Variants in EXOC6B observed in about 807,000 individuals in gnomAD.
EXOC6B encodes SEC15 homolog B.
In EXOC6B, 54 loss-of-function variants were observed where a neutral mutation model predicts 113.5. The ratio of observed to expected loss-of-function variants is 0.48; its 90% CI spans 0.38 to 0.60. EXOC6B has a LOEUF of 0.60. EXOC6B is among the 20% of genes least tolerant of loss of function. The pLI, the probability that EXOC6B is intolerant of heterozygous loss-of-function variation, is 0.00. For synonymous variants in EXOC6B, 357 were observed against 339.0 expected, an observed-to-expected ratio of 1.05 and a Z score of -0.58; for missense variants, 797 against 977.5, an observed-to-expected ratio of 0.82 and a Z score of 2.46.
In EXOC6B at chr2:72,441,263, A is replaced by T. The variant is rs932437739; in HGVS notation, c.1980+23897T>A. On this transcript the variant is annotated intron_variant, in intron 18 of 21. Coordinates refer to ENST00000272427, the MANE Select transcript of EXOC6B (RefSeq NM_015189.3). ...TAAGGCAGTGTTAGGTGGGAAATTT[A>T]TAGCATTAAATACCCATATCAAAAA... Among the ~76,000 whole-genome samples, 14 of 152,340 alleles carry T rather than the reference A, an allele frequency of 9.2e-5. No individual in the cohort carries two copies. The South Asian group carries it at 2.5e-3, about 27-fold the overall frequency.
At chr2:72,744,576 G>A (rs1033092695) in intron 1 of EXOC6B, among the ~76,000 whole-genome samples, 9 of 152,144 alleles carry the variant, frequency 5.9e-5, no homozygotes, top group Admixed American at 3.9e-4. Flanking sequence ...CTTGGAGAAC[G>A]TGAAGAATCA....
At chr2:72,547,656 ATG>A (rs1378111288) in intron 8 of EXOC6B, among the ~76,000 whole-genome samples, 1 of 152,210 alleles carries the variant, frequency 6.6e-6, no homozygotes, top group Non-Finnish European at 1.5e-5. Flanking sequence ...ATTCAGAAAG[ATG>A]TTTCATTGTA....
chr2:72,670,751 T>C (rs903944317), intron 6 of EXOC6B, among the ~76,000 whole-genome samples: 11 of 152,222 alleles, frequency 7.2e-5, no homozygotes, highest in African/African-American at 2.7e-4. Flanking sequence ...GCTCTTCTGC[T>C]TCTTTACTGA....
chr2:72,434,217 C>T (rs1275796485), intron 18 of EXOC6B, among the ~76,000 whole-genome samples: 1 of 152,080 alleles, frequency 6.6e-6, no homozygotes, highest in Non-Finnish European at 1.5e-5. Flanking sequence ...TGTTGATTTG[C>T]ATATATTGAA....
chr2:72,733,190 A>G, intron 2 of EXOC6B, 72 bp from the exon 3 acceptor site: 2 of 1,129,540 alleles, frequency 1.8e-6, no homozygotes, highest in Non-Finnish European at 2.6e-6. Flanking sequence ...ATCTAAATTT[A>G]ATATGAAAAG....
chr2:72,537,337 C>T (rs530281336), intron 8 of EXOC6B, among the ~76,000 whole-genome samples: 190 of 152,104 alleles, frequency 1.2e-3, no homozygotes, highest in Non-Finnish European at 2.1e-3. Context: ...GGCGGGCTGG[C>T]TCACACCTGT....
intron 19 of EXOC6B, among the ~76,000 whole-genome samples, chr2:72,368,632 C>T (rs1375044878): frequency 9.9e-5 from 15 of 152,260 alleles, no homozygotes; most frequent in African/African-American, 3.6e-4. Context: ...ACTGGCAAAC[C>T]AAATCCAGCA....
chr2:72,586,233 C>CA (rs1705559772), intron 6 of EXOC6B, among the ~76,000 whole-genome samples: 1 of 151,922 alleles, frequency 6.6e-6, no homozygotes, highest in Non-Finnish European at 1.5e-5. Flanking sequence ...GCAACAAAAA[C>CA]AAAAATTGAT....
chr2:72,755,402 T>A (rs1023586922), intron 1 of EXOC6B, among the ~76,000 whole-genome samples: 2 of 152,124 alleles, frequency 1.3e-5, no homozygotes, highest in Non-Finnish European at 2.9e-5. Flanking sequence ...TATAAGACCA[T>A]GAGTTCCTTG....
intron 1 of EXOC6B, among the ~76,000 whole-genome samples, chr2:72,767,529 G>A (rs769794845): frequency 4.2e-4 from 64 of 152,018 alleles, no homozygotes; most frequent in Middle Eastern, 6.8e-3. Context: ...TTGGAACTGG[G>A]CCAGGCACAG....
At position 72,508,977 on chromosome 2, in the gene EXOC6B, G is replaced by T. The variant is rs1385107023; in HGVS notation, c.1167+4155C>A. Among the ~76,000 whole-genome samples, 3 of 151,848 alleles carry T rather than the reference G, an allele frequency of 2.0e-5. No individual in the cohort carries two copies. The East Asian group carries it at 5.8e-4, about 29-fold the overall frequency. ...TATGTAGGGAAAGGAGAGATGGACA[G>T]ACTGTTGTTTCTGCCCCCAAAACTC... On this transcript the variant is annotated intron_variant, in intron 11 of 21. Transcript: ENST00000272427.
At chr2:72,236,896 T>A (rs532834005) in intron 20 of EXOC6B, among the ~76,000 whole-genome samples, 11 of 152,236 alleles carry the variant, frequency 7.2e-5, no homozygotes, top group African/African-American at 2.2e-4. Context: ...CAACAACAGA[T>A]TACGAGTCCC....
chr2:72,344,217 C>A (rs1039497484), intron 19 of EXOC6B, among the ~76,000 whole-genome samples: 2 of 152,062 alleles, frequency 1.3e-5, no homozygotes, highest in African/African-American at 4.8e-5. Context: ...CCTTTGAATC[C>A]ATTTAGTCCA....
intron 19 of EXOC6B, among the ~76,000 whole-genome samples, chr2:72,338,968 T>C (rs202083983): frequency 1.5e-4 from 12 of 80,700 alleles, no homozygotes; most frequent in Middle Eastern, 7.8e-3. Context: ...TACACATACA[T>C]ACACATACAC....
chr2:72,406,558 AC>A (rs1312640930), intron 18 of EXOC6B, among the ~76,000 whole-genome samples: 2 of 152,170 alleles, frequency 1.3e-5, no homozygotes, highest in Non-Finnish European at 2.9e-5. Flanking sequence ...CTCACTTAAA[AC>A]CGCTCAACGA....
chr2:72,468,495 C>T (rs996956110), intron 17 of EXOC6B, among the ~76,000 whole-genome samples: 5 of 152,086 alleles, frequency 3.3e-5, no homozygotes, highest in African/African-American at 1.2e-4. Context: ...TATTTTGTTC[C>T]ACTGGTCTGT....
At chr2:72,268,069 A>G (rs1684245884) in intron 20 of EXOC6B, among the ~76,000 whole-genome samples, 1 of 152,152 alleles carries the variant, frequency 6.6e-6, no homozygotes, top group Admixed American at 6.5e-5. Context: ...ATATTAATAT[A>G]ATGGAAGACT....
At chr2:72,649,022 C>A (rs529550958) in intron 6 of EXOC6B, among the ~76,000 whole-genome samples, 1 of 152,130 alleles carries the variant, frequency 6.6e-6, no homozygotes. Context: ...CACCTGTAGT[C>A]CCAGCTACTC....
intron 8 of EXOC6B, among the ~76,000 whole-genome samples, chr2:72,527,267 T>G (rs892920491): frequency 6.6e-6 from 1 of 152,056 alleles, no homozygotes; most frequent in Non-Finnish European, 1.5e-5. Flanking sequence ...TTTTAAAACA[T>G]ACAGTTAAGT....
Sources: allele counts gnomAD v4.1 joint callset (sites outside exome capture counted in the v4.1 genomes callset), GRCh38; gene constraint gnomAD v4.1.1; transcripts MANE v1.5; gene names NCBI Gene and HGNC (gene_info 2026-07-23, HGNC 2026-07-21).